MYT1L: variants seen among roughly 807,000 people sequenced by gnomAD.
The protein encoded by MYT1L is myelin transcription factor 1-like protein.
MYT1L carries 12 observed loss-of-function variants against 126.7 expected under a neutral mutation model. The observed-to-expected ratio is 0.09, with a 90% CI of 0.06 to 0.15. The LOEUF (loss-of-function observed/expected upper bound fraction) is 0.15. Among genes scored for constraint, MYT1L ranks in the 10% least tolerant of loss-of-function variants. The pLI is 1.00. For synonymous variants in MYT1L, 541 were observed against 604.2 expected (o/e 0.90, Z 1.53); for missense variants, 979 against 1,585.2 (o/e 0.62, Z 6.49).
At chr2:2,219,736 T>G (rs2093799371) in intron 2 of MYT1L, among the ~76,000 whole-genome samples, 1 of 152,204 alleles carries the variant, frequency 6.6e-6, no homozygotes, top group South Asian at 2.1e-4. Flanking sequence ...GAATGTGAGG[T>G]CCTGTTCCAG....
chr2:2,039,561 G>T (rs1332346405), intron 4 of MYT1L, among the ~76,000 whole-genome samples: 6 of 152,184 alleles, frequency 3.9e-5, no homozygotes, highest in Non-Finnish European at 8.8e-5. Flanking sequence ...AAGGTGAAAA[G>T]GTGTGAATTG....
chr2:1,914,951 G>A (rs529574926), intron 11 of MYT1L, among the ~76,000 whole-genome samples: 121 of 152,292 alleles, frequency 7.9e-4, no homozygotes, highest in African/African-American at 2.5e-3. Flanking sequence ...ACCTCACGGC[G>A]GCCTTGGGGG....
chr2:1,970,530 C>T (rs914757307), intron 8 of MYT1L, among the ~76,000 whole-genome samples: 1 of 152,178 alleles, frequency 6.6e-6, no homozygotes, highest in Admixed American at 6.5e-5. Flanking sequence ...CTCATGGTGT[C>T]CATGAGAGGG....
intron 2 of MYT1L, among the ~76,000 whole-genome samples, chr2:2,227,031 C>A (rs1486142479): frequency 6.6e-6 from 1 of 152,184 alleles, no homozygotes; most frequent in Admixed American, 6.5e-5. Context: ...GAGCAGAACT[C>A]AACTCAGCAG....
intron 18 of MYT1L, among the ~76,000 whole-genome samples, chr2:1,871,720 A>G (rs13026825): frequency 0.33 from 50,911 of 151,994 alleles, 10,849 homozygotes; most frequent in African/African-American, 0.61. Context: ...CTGGCACAAT[A>G]AGAATGGCTT....
At chr2:2,086,607 C>T (rs2076374172) in intron 3 of MYT1L, among the ~76,000 whole-genome samples, 1 of 152,146 alleles carries the variant, frequency 6.6e-6, no homozygotes, top group Non-Finnish European at 1.5e-5. Context: ...TGCCTTATCA[C>T]CCCCTTAGCT....
At chr2:2,017,348 G>A (rs942193278) in intron 4 of MYT1L, among the ~76,000 whole-genome samples, 1 of 152,236 alleles carries the variant, frequency 6.6e-6, no homozygotes, top group Non-Finnish European at 1.5e-5. Flanking sequence ...CATAGGAAGG[G>A]CTTTGTGATT....
chr2:1,990,445 C>G (rs1451632712), intron 5 of MYT1L, among the ~76,000 whole-genome samples: 3 of 152,186 alleles, frequency 2.0e-5, no homozygotes, highest in Non-Finnish European at 2.9e-5. Flanking sequence ...GATACTCAAG[C>G]ACCAAGCTGT....
At chr2:1,875,470 C>T (rs1407765148) in intron 18 of MYT1L, among the ~76,000 whole-genome samples, 6 of 152,216 alleles carry the variant, frequency 3.9e-5, no homozygotes, top group African/African-American at 1.2e-4. Flanking sequence ...TTTTCAGATT[C>T]CTTACGCTCT....
At chr2:1,947,535 G>A (rs182743346) in intron 8 of MYT1L, among the ~76,000 whole-genome samples, 15 of 152,258 alleles carry the variant, frequency 9.9e-5, no homozygotes, top group South Asian at 8.3e-4. Flanking sequence ...CCATCGAGGC[G>A]TGGGAGGCGG....
At chr2:1,805,703 T>C (rs988466072) in intron 22 of MYT1L, among the ~76,000 whole-genome samples, 1 of 152,120 alleles carries the variant, frequency 6.6e-6, no homozygotes, top group Admixed American at 6.5e-5. Context: ...CTGGGCAACA[T>C]GGCGAAGCCC....
chr2:2,202,936 GC>G (rs1202642063), intron 2 of MYT1L, among the ~76,000 whole-genome samples: 1 of 152,016 alleles, frequency 6.6e-6, no homozygotes, highest in Non-Finnish European at 1.5e-5. Context: ...GATCAAGTGG[GC>G]TTCATCCCTG....
intron 3 of MYT1L, among the ~76,000 whole-genome samples, chr2:2,105,115 G>A (rs962455994): frequency 6.6e-6 from 1 of 152,142 alleles, no homozygotes; most frequent in Non-Finnish European, 1.5e-5. Context: ...TCTAAGACAA[G>A]AGTGACTCCA....
At chr2:2,052,673 T>C (rs56081440) in intron 4 of MYT1L, among the ~76,000 whole-genome samples, 3,506 of 152,230 alleles carry the variant, frequency 0.023, 129 homozygotes, top group African/African-American at 0.077. Context: ...GAAAGATGCT[T>C]AACACCACTA....
At chr2:2,055,258 C>T (rs2069364420) in intron 3 of MYT1L, among the ~76,000 whole-genome samples, 1 of 152,142 alleles carries the variant, frequency 6.6e-6, no homozygotes, top group Non-Finnish European at 1.5e-5. Flanking sequence ...TAGCTTATAT[C>T]ATCAGCGGGT....
At chr2:1,919,880 C>G (rs2053347255) in intron 10 of MYT1L, among the ~76,000 whole-genome samples, 1 of 152,174 alleles carries the variant, frequency 6.6e-6, no homozygotes, top group Admixed American at 6.5e-5. Flanking sequence ...AGGCGCCCAC[C>G]ACCACGCCCG....
intron 2 of MYT1L, among the ~76,000 whole-genome samples, chr2:2,238,093 T>C (rs959332581): frequency 6.6e-6 from 1 of 152,236 alleles, no homozygotes; most frequent in African/African-American, 2.4e-5. Context: ...GGTTTCTTAG[T>C]TGAATATTTT....
At chr2:1,948,303 A>C (rs2149295253) in intron 8 of MYT1L, among the ~76,000 whole-genome samples, 1 of 152,296 alleles carries the variant, frequency 6.6e-6, no homozygotes, top group African/African-American at 2.4e-5. Context: ...TCTATTTGTT[A>C]ATGTAAAGCG....
At chr2:2,022,363 C>T (rs1486568708) in intron 4 of MYT1L, among the ~76,000 whole-genome samples, 1 of 152,200 alleles carries the variant, frequency 6.6e-6, no homozygotes, top group African/African-American at 2.4e-5. Context: ...AACATCTTCT[C>T]ATGCAAATTT....
Sources: allele counts gnomAD v4.1 joint callset (sites outside exome capture counted in the v4.1 genomes callset), GRCh38; gene constraint gnomAD v4.1.1; transcripts MANE v1.5; gene names NCBI Gene and HGNC (gene_info 2026-07-23, HGNC 2026-07-21).